TENT5D: variants seen among roughly 807,000 people sequenced by gnomAD.
TENT5D encodes the protein terminal nucleotidyltransferase 5D.
For missense variants in TENT5D, 191 were observed against 287.0 expected (o/e 0.67, Z 2.42); for synonymous variants, 103 against 100.6 (o/e 1.02, Z -0.15).
chrX:80,362,608 C>G (rs1930431407), intron 3 of TENT5D, among the ~76,000 whole-genome samples: 1 of 111,399 alleles, frequency 9.0e-6, no homozygotes, highest in African/African-American at 3.3e-5. Context: ...CTTGCTATAT[C>G]TCCTTTCTGT....
At chrX:80,359,883 G>T (rs1192806282) in intron 3 of TENT5D, among the ~76,000 whole-genome samples, 2 of 111,780 alleles carry the variant, frequency 1.8e-5, no homozygotes, top group Non-Finnish European at 3.8e-5. Flanking sequence ...TAGAACTCTG[G>T]TTTTTATATA....
intron 3 of TENT5D, among the ~76,000 whole-genome samples, chrX:80,350,941 A>C (rs780065841): frequency 9.9e-5 from 11 of 111,671 alleles, no homozygotes; most frequent in Non-Finnish European, 1.9e-4. Flanking sequence ...TTCTGGGTTG[A>C]AAATTCTTTA....
intron 3 of TENT5D, among the ~76,000 whole-genome samples, chrX:80,407,893 C>G (rs1365960120): frequency 9.1e-6 from 1 of 110,200 alleles, no homozygotes; most frequent in Non-Finnish European, 1.9e-5. Context: ...GAAATTATAA[C>G]AAACTATCTC....
chrX:80,402,937 A>G (rs1257256562), intron 3 of TENT5D, among the ~76,000 whole-genome samples: 1 of 111,864 alleles, frequency 8.9e-6, no homozygotes, highest in Non-Finnish European at 1.9e-5. Context: ...TTTGCTTATT[A>G]ATTTTATGTC....
Position 80,352,406 on chromosome X carries a change from C to T in TENT5D, c.-142+9842C>T, listed in dbSNP as rs182660665. Among the ~76,000 whole-genome samples, 215 of 111,499 alleles carry T rather than the reference C, an allele frequency of 1.9e-3. 3 individuals are homozygous for T. Among genetic ancestry groups the T allele is most frequent in the Non-Finnish European group, 2.1e-3 (111 of 53,061 alleles). On this transcript the variant is annotated intron_variant, in intron 3 of 4. Transcript: ENST00000538312. The stretch of plus-strand genomic sequence containing the variant: ...AGGCAATCTGGCCATAGCCGCTTTG[C>T]CACGCTTTGTTGAGTTCTGCCCAGT...
At chrX:80,418,286 A>T (rs1356424827), upstream of TENT5D, among the ~76,000 whole-genome samples, 1 of 110,425 alleles carries the variant, frequency 9.1e-6, no homozygotes, top group Non-Finnish European at 1.9e-5. Flanking sequence ...AATTGGTAGG[A>T]TTACCAGTTC....
intron 1 of TENT5D, among the ~76,000 whole-genome samples, chrX:80,434,748 T>C (rs776616013): frequency 2.7e-5 from 3 of 110,308 alleles, no homozygotes; most frequent in Admixed American, 9.7e-5. Flanking sequence ...TGAACAGTTA[T>C]TGAGAACTCT....
intron 2 of TENT5D, among the ~76,000 whole-genome samples, chrX:80,337,626 A>G (rs1040134004): frequency 8.9e-6 from 1 of 111,997 alleles, no homozygotes; most frequent in Admixed American, 9.5e-5. Context: ...ATATGAATAT[A>G]TTGTAATTTA....
At chrX:80,363,154 T>TA (rs1352109664) in intron 3 of TENT5D, among the ~76,000 whole-genome samples, 1 of 112,022 alleles carries the variant, frequency 8.9e-6, no homozygotes, top group Non-Finnish European at 1.9e-5. Context: ...AACCAGCTAT[T>TA]ACACTGCTTT....
intron 3 of TENT5D, among the ~76,000 whole-genome samples, chrX:80,399,782 T>G (rs1931356182): frequency 8.9e-6 from 1 of 112,256 alleles, no homozygotes; most frequent in African/African-American, 3.2e-5. Flanking sequence ...TAAACTTTTT[T>G]TTCACCATTA....
At chrX:80,441,388 T>C (rs1200727617) in intron 2 of TENT5D, among the ~76,000 whole-genome samples, 1 of 111,468 alleles carries the variant, frequency 9.0e-6, no homozygotes, top group Non-Finnish European at 1.9e-5. Context: ...ATGTTTGCTC[T>C]AGTTCTACTA....
At chrX:80,345,435 T>C (rs1477258736) in intron 3 of TENT5D, among the ~76,000 whole-genome samples, 2 of 111,212 alleles carry the variant, frequency 1.8e-5, no homozygotes, top group African/African-American at 6.5e-5. Context: ...CCTTTTGGAG[T>C]GCAGACTATT....
chrX:80,338,690 A>G (rs1005867344), intron 2 of TENT5D, among the ~76,000 whole-genome samples: 3 of 112,384 alleles, frequency 2.7e-5, no homozygotes, highest in Non-Finnish European at 3.8e-5. Flanking sequence ...AATGATTTTA[A>G]GATGATCAGA....
intron 3 of TENT5D, among the ~76,000 whole-genome samples, chrX:80,378,093 G>A (rs1602197515): frequency 9.0e-6 from 1 of 111,578 alleles, no homozygotes; most frequent in Non-Finnish European, 1.9e-5. Flanking sequence ...GTTTGATTTT[G>A]TCTTGTAAAT....
intron 3 of TENT5D, among the ~76,000 whole-genome samples, chrX:80,366,450 A>G (rs1422220521): frequency 9.0e-6 from 1 of 111,441 alleles, no homozygotes; most frequent in Admixed American, 9.6e-5. Context: ...ATACTTTCCC[A>G]AACAAGTAAA....
intron 3 of TENT5D, among the ~76,000 whole-genome samples, chrX:80,382,735 C>T (rs1407282935): frequency 9.1e-6 from 1 of 110,321 alleles, no homozygotes; most frequent in African/African-American, 3.3e-5. Flanking sequence ...TGCTGCCTCG[C>T]AGTTCAATCT....
chrX:80,380,986 T>C (rs1360694350), intron 3 of TENT5D, among the ~76,000 whole-genome samples: 4 of 111,968 alleles, frequency 3.6e-5, no homozygotes, highest in South Asian at 7.4e-4. Context: ...TATATGTGAA[T>C]TGGATCCTGT....
chrX:80,443,145 G>T, exon 3 of TENT5D: 1 of 1,210,983 alleles, frequency 8.3e-7, no homozygotes, highest in Non-Finnish European at 1.1e-6. Flanking sequence ...ATCCTGTTGT[G>T]GTAGCTGAAA....
intron 3 of TENT5D, among the ~76,000 whole-genome samples, chrX:80,347,337 TCTGTTGTTTCC>T (rs1930084372): frequency 8.9e-6 from 1 of 112,079 alleles, no homozygotes; most frequent in African/African-American, 3.2e-5. Context: ...TTAACCAGCA[TCTGTTGTTTCC>T]AGACTTTTTA....
Sources: allele counts gnomAD v4.1 joint callset (sites outside exome capture counted in the v4.1 genomes callset), GRCh38; gene constraint gnomAD v4.1.1; transcripts MANE v1.5; gene names NCBI Gene and HGNC (gene_info 2026-07-23, HGNC 2026-07-21).